The following NRG2 variants were observed in gnomAD, a reference collection of about 807,000 sequenced individuals.
NRG2 encodes pro-neuregulin-2, membrane-bound isoform.
In NRG2, 27 loss-of-function variants were observed where a neutral mutation model predicts 73.9. That is an observed-to-expected ratio of 0.37 (90% CI 0.27 to 0.50). The LOEUF is 0.50. NRG2 is among the 20% of genes least tolerant of loss of function. NRG2 has a pLI of 0.96. For missense variants in NRG2, 1,126 were observed against 1,210.1 expected (o/e 0.93, Z 1.03); for synonymous variants, 532 against 541.0 (o/e 0.98, Z 0.23).
At chr5:139,975,172 C>T (rs1756292211) in intron 1 of NRG2, among the ~76,000 whole-genome samples, 1 of 152,188 alleles carries the variant, frequency 6.6e-6, no homozygotes, top group African/African-American at 2.4e-5. Context: ...ATCACTCAGC[C>T]AATTCTAATC....
At chr5:139,971,719 G>A (rs961738324) in intron 1 of NRG2, among the ~76,000 whole-genome samples, 4 of 152,116 alleles carry the variant, frequency 2.6e-5, no homozygotes, top group South Asian at 2.1e-4. Flanking sequence ...AGTAAGAAAC[G>A]TGCAGGATCT....
chr5:139,934,768 A>G (rs990094836), intron 1 of NRG2, among the ~76,000 whole-genome samples: 3 of 152,258 alleles, frequency 2.0e-5, no homozygotes, highest in Non-Finnish European at 2.9e-5. Flanking sequence ...AAGAAGGCTT[A>G]AGTGACTGTA....
chr5:139,852,477 G>A lies in NRG2; in HGVS notation c.1499C>T (p.Ser500Phe). The A allele has an allele frequency of 6.2e-7, 1 of 1,614,150 alleles. No individual in the cohort carries two copies. Among genetic ancestry groups the A allele is most frequent in the African/African-American group, 1.3e-5 (1 of 75,056 alleles). The change falls in exon 8 of 10, where the codon TCT becomes TTT. Residue 500 changes from serine to phenylalanine, a missense_variant. Ser to Phe is a radical substitution (Grantham distance 155). Coordinates refer to ENST00000361474, the MANE Select transcript of NRG2 (RefSeq NM_004883.3). The surrounding 1 kb of genome is among the most constrained non-coding windows in gnomAD (Gnocchi z 4.4). ...ETTFSGSHSC[S>F]PSHHCSTATP... Reference sequence around the variant, plus strand: ...GGCTGTGGAGCAGTGGTGAGAAGGAGAACAGGAGTGGCTCCCAGAGAAGGT... The same window carrying A: ...GGCTGTGGAGCAGTGGTGAGAAGGAAAACAGGAGTGGCTCCCAGAGAAGGT...
In NRG2 at chr5:139,907,678, G is replaced by A. The variant is rs2431382; in HGVS notation, c.701-20167C>T. ...TGGCATGGAAATTCAAAGGGGGCAC[G>A]AGCACTCTCCCTGGACTGGAGTATC... On this transcript the variant is annotated intron_variant, in intron 1 of 9. Transcript: ENST00000361474. 7.6e-3 allele frequency among the ~76,000 whole-genome samples: 1,165 copies of A among 152,298 alleles called. 16 individuals are homozygous for A. Among genetic ancestry groups the A allele is most frequent in the African/African-American group, 0.027 (1,111 of 41,552 alleles).
At chr5:139,857,935 G>A (rs530867428) in intron 5 of NRG2, among the ~76,000 whole-genome samples, 2 of 152,220 alleles carry the variant, frequency 1.3e-5, no homozygotes, top group East Asian at 3.9e-4. Flanking sequence ...CTTAGTCCAG[G>A]ATGGTGTCAC....
Position 139,848,661 on chromosome 5 carries a change from C to T in NRG2, c.1809G>A (p.Ser603=). ...CCAGCGAGTAGTGGAAGTCCACGGG[C>T]GAGAGGCGCGCGGGCGTGGTCAGGG... is the stretch of plus-strand genomic sequence containing the variant. The part of the protein sequence containing the change: ...VSALTTPARL[S]PVDFHYSLAT... Residue 603 remains serine (S), a synonymous_variant, in exon 10 of 10, where the codon TCG becomes TCA. Transcript: ENST00000361474. 1 of 1,567,162 alleles carries T rather than the reference C, an allele frequency of 6.4e-7. No individual in the cohort carries two copies. Among genetic ancestry groups the T allele is most frequent in the Admixed American group, 1.8e-5 (1 of 57,042 alleles).
chr5:140,043,113 C>T lies in NRG2; in HGVS notation c.-44G>A. ...GGGCTCCGCCGCTCAGCCGCCGCCGCCTTGGGAGGGGAAACAGAGCCCGCT... is the reference window on the plus strand; with the variant it reads ...GGGCTCCGCCGCTCAGCCGCCGCCGTCTTGGGAGGGGAAACAGAGCCCGCT... On this transcript the variant is annotated 5_prime_UTR_variant, in exon 1 of 10. Coordinates refer to ENST00000361474, the MANE Select transcript of NRG2 (RefSeq NM_004883.3). The surrounding 1 kb of genome is among the most constrained non-coding windows in gnomAD (Gnocchi z 6.7). 1 of 1,563,290 alleles carries T rather than the reference C, an allele frequency of 6.4e-7. No individual in the cohort carries two copies. Among genetic ancestry groups the T allele is most frequent in the Non-Finnish European group, 8.6e-7 (1 of 1,162,696 alleles).
rs1561776042 is a variant in NRG2 at position 140,042,958 on chromosome 5, TGCTGCTGCTGCTGCTCCTCTC to T, written c.91_111del (p.Glu31_Ser37del). ...CTGCTGCCGCTCTCGCTGCTGCTGC[TGCTGCTGCTGCTGCTCCTCTC>T]GCTGCTGCTGCTGCTGCTGTCGCTG... On this transcript the variant is annotated inframe_deletion, in exon 1 of 10. Transcript: ENST00000361474. 1.9e-6 allele frequency: 3 copies of T among 1,546,404 alleles called. No individual in the cohort carries two copies. Among genetic ancestry groups the T allele is most frequent in the African/African-American group, 1.4e-5 (1 of 73,034 alleles).
intron 1 of NRG2, among the ~76,000 whole-genome samples, chr5:139,918,251 A>G (rs1480836395): frequency 6.6e-6 from 1 of 152,208 alleles, no homozygotes; most frequent in Non-Finnish European, 1.5e-5. Context: ...AGTCTAGGCA[A>G]TGGATGACAG....
intron 1 of NRG2, among the ~76,000 whole-genome samples, chr5:139,913,660 C>T (rs1053653466): frequency 6.6e-5 from 10 of 152,222 alleles, no homozygotes; most frequent in African/African-American, 2.4e-4. Context: ...GCTTGCTCCA[C>T]ACCTGCTTAA....
At position 139,863,535 on chromosome 5, in the gene NRG2, G is replaced by A. The variant is rs1356402174; in HGVS notation, c.1189+2014C>T. The stretch of plus-strand genomic sequence containing the variant: ...AGGCCTTGGATAGCGGCCCGGTTCC[G>A]GAGGCTCTGCTGCTCTGATTCAGGA... On this transcript the variant is annotated intron_variant, in intron 5 of 9. Transcript: ENST00000361474. 5.9e-5 allele frequency among the ~76,000 whole-genome samples: 9 copies of A among 152,314 alleles called. No homozygotes were observed. The East Asian group carries it at 1.4e-3, about 23-fold the overall frequency.
chr5:139,921,928 G>A (rs773573731), intron 1 of NRG2, among the ~76,000 whole-genome samples: 9 of 151,760 alleles, frequency 5.9e-5, no homozygotes, highest in Admixed American at 1.3e-4. Context: ...AAAATTAGCC[G>A]GGCATGGTGG....
rs773870829 is a variant in NRG2 at position 139,868,980 on chromosome 5, T to G, written c.1112+2741A>C. ...CATCCCCTGAACCAGTCCCCAAGAG[T>G]CACGCACCAACCGTGCTCTACAAAC... On this transcript the variant is annotated intron_variant, in intron 4 of 9. Coordinates refer to ENST00000361474, the MANE Select transcript of NRG2 (RefSeq NM_004883.3). This position sits in a 1 kb window ranked among gnomAD's most constrained non-coding sequence, Gnocchi z 4.2. 1.3e-5 allele frequency among the ~76,000 whole-genome samples: 2 copies of G among 151,540 alleles called. No homozygotes were observed. The highest frequency in any genetic ancestry group is 1.5e-5 in the Non-Finnish European group (1 of 67,870).
chr5:139,942,393 T>C (rs894814903), intron 1 of NRG2, among the ~76,000 whole-genome samples: 1 of 152,248 alleles, frequency 6.6e-6, no homozygotes, highest in Non-Finnish European at 1.5e-5. Context: ...TTAAGCCTTT[T>C]TTCTGCTGCA....
At chr5:139,969,246 G>A (rs1269367118) in intron 1 of NRG2, among the ~76,000 whole-genome samples, 2 of 152,212 alleles carry the variant, frequency 1.3e-5, no homozygotes, top group African/African-American at 4.8e-5. Context: ...ACAGTTTCCT[G>A]AAGCTTTTCT....
chr5:140,042,275 A>C, intron 1 of NRG2, 95 bp downstream of exon 1: 10 of 78,704 alleles, frequency 1.3e-4, no homozygotes, highest in Non-Finnish European at 1.4e-4. Flanking sequence ...GGACGCTGCC[A>C]GGCCCGGGCA....
intron 1 of NRG2, among the ~76,000 whole-genome samples, chr5:139,951,234 A>C (rs975274254): frequency 1.3e-5 from 2 of 152,234 alleles, no homozygotes; most frequent in Admixed American, 6.5e-5. Context: ...TTTCATCTCT[A>C]AAATGACAGT....
chr5:139,900,932 G>A (rs2127167951), intron 1 of NRG2, among the ~76,000 whole-genome samples: 1 of 152,328 alleles, frequency 6.6e-6, no homozygotes, highest in Middle Eastern at 3.4e-3. Context: ...AAAAGCTGCT[G>A]CTTCTTCCTC....
intron 1 of NRG2, among the ~76,000 whole-genome samples, chr5:140,018,370 G>T (rs1473419480): frequency 3.3e-5 from 5 of 152,144 alleles, no homozygotes; most frequent in Non-Finnish European, 5.9e-5. Flanking sequence ...ACGAGGGATG[G>T]GTGTGTTAGC....
Sources: allele counts gnomAD v4.1 joint callset (sites outside exome capture counted in the v4.1 genomes callset), GRCh38; gene constraint gnomAD v4.1.1; non-coding constraint Gnocchi (gnomAD v3.1); transcripts MANE v1.5; gene names NCBI Gene and HGNC (gene_info 2026-07-23, HGNC 2026-07-21).